TRABD2B: variants seen among roughly 807,000 people sequenced by gnomAD.
The protein encoded by TRABD2B is TraB domain containing 2B, also known as metalloprotease TIKI2.
A neutral mutation model predicts 40.1 loss-of-function variants in TRABD2B; 14 were observed. The ratio of observed to expected loss-of-function variants is 0.35; its 90% CI spans 0.23 to 0.55. The LOEUF is 0.55. Ranked by LOEUF, TRABD2B falls within the 20% of genes least tolerant of loss-of-function variation. The pLI is 0.90. For missense variants in TRABD2B, 541 were observed against 648.6 expected, an observed-to-expected ratio of 0.83 and a Z score of 1.80; for synonymous variants, 263 against 277.0, an observed-to-expected ratio of 0.95 and a Z score of 0.50.
At chr1:47,917,972 T>G (rs562603870) in intron 2 of TRABD2B, among the ~76,000 whole-genome samples, 1 of 152,366 alleles carries the variant, frequency 6.6e-6, no homozygotes, top group Non-Finnish European at 1.5e-5. Flanking sequence ...TGTCTCATTC[T>G]TGCAACAGTT....
At chr1:47,913,945 T>C (rs1383014684) in intron 2 of TRABD2B, among the ~76,000 whole-genome samples, 6 of 152,242 alleles carry the variant, frequency 3.9e-5, no homozygotes, top group Non-Finnish European at 7.3e-5. Flanking sequence ...TTAATTTGCC[T>C]AAGTTCAGCA....
At chr1:47,781,799 G>A (rs986350425) in intron 4 of TRABD2B, among the ~76,000 whole-genome samples, 7 of 152,122 alleles carry the variant, frequency 4.6e-5, no homozygotes, top group Admixed American at 4.6e-4. Context: ...CGGTTCCTGC[G>A]CTCCCGAGCC....
chr1:47,882,571 G>A (rs1318460216), intron 2 of TRABD2B, among the ~76,000 whole-genome samples: 1 of 152,194 alleles, frequency 6.6e-6, no homozygotes, highest in African/African-American at 2.4e-5. Context: ...CATGCACATA[G>A]GGGTGTTTGT....
chr1:47,892,996 A>T (rs1644469140), intron 2 of TRABD2B, among the ~76,000 whole-genome samples: 1 of 152,166 alleles, frequency 6.6e-6, no homozygotes, highest in African/African-American at 2.4e-5. Flanking sequence ...TGATTTATAC[A>T]CATTACAGAA....
intron 2 of TRABD2B, among the ~76,000 whole-genome samples, chr1:47,985,896 C>A (rs1216028315): frequency 6.6e-6 from 1 of 152,060 alleles, no homozygotes; most frequent in Non-Finnish European, 1.5e-5. Context: ...AAGAGTTAGC[C>A]AGAAAATAAA....
At chr1:47,857,508 AGG>A (rs1643905090) in intron 2 of TRABD2B, among the ~76,000 whole-genome samples, 2 of 152,132 alleles carry the variant, frequency 1.3e-5, no homozygotes, top group Admixed American at 1.3e-4. Flanking sequence ...AAGGGGGTTA[AGG>A]CCCCCTTCTC....
chr1:47,797,863 T>C (rs1041160749), intron 3 of TRABD2B, among the ~76,000 whole-genome samples: 9 of 152,158 alleles, frequency 5.9e-5, no homozygotes, highest in African/African-American at 2.2e-4. Flanking sequence ...GATGGGGTGA[T>C]GAGGTGATTG....
At chr1:47,838,671 G>A (rs1276592715) in intron 2 of TRABD2B, among the ~76,000 whole-genome samples, 4 of 152,220 alleles carry the variant, frequency 2.6e-5, no homozygotes, top group Non-Finnish European at 4.4e-5. Context: ...AGGAGACGCA[G>A]TGTAAACCAC....
chr1:47,850,139 G>A (rs928642452), intron 2 of TRABD2B, among the ~76,000 whole-genome samples: 1 of 152,252 alleles, frequency 6.6e-6, no homozygotes, highest in African/African-American at 2.4e-5. Context: ...CATAGGAGGT[G>A]TGGCTTCTAG....
intron 2 of TRABD2B, among the ~76,000 whole-genome samples, chr1:47,988,555 G>A (rs1645954349): frequency 6.6e-6 from 1 of 152,162 alleles, no homozygotes; most frequent in African/African-American, 2.4e-5. Flanking sequence ...GGGCTCTCCT[G>A]TCTGAAGCCT....
intron 2 of TRABD2B, among the ~76,000 whole-genome samples, chr1:47,958,121 T>C (rs989596579): frequency 2.6e-5 from 4 of 150,970 alleles, no homozygotes; most frequent in African/African-American, 9.8e-5. Context: ...GCTTCATAAG[T>C]GAAGGAGAAA....
At chr1:47,832,144 A>C (rs952668637) in intron 2 of TRABD2B, among the ~76,000 whole-genome samples, 1 of 152,128 alleles carries the variant, frequency 6.6e-6, no homozygotes, top group Non-Finnish European at 1.5e-5. Flanking sequence ...CATCTTGGCT[A>C]ATGTGGTGAA....
chr1:47,770,605 G>C (rs1644365462), intron 6 of TRABD2B, among the ~76,000 whole-genome samples: 1 of 152,238 alleles, frequency 6.6e-6, no homozygotes, highest in South Asian at 2.1e-4. Context: ...TCACTCAGGA[G>C]AGCTGAGGCA....
chr1:47,897,982 T>C (rs1324268904), intron 2 of TRABD2B, among the ~76,000 whole-genome samples: 1 of 152,164 alleles, frequency 6.6e-6, no homozygotes, highest in Non-Finnish European at 1.5e-5. Flanking sequence ...TTTTATCCTA[T>C]AAGAATTTTC....
At chr1:47,908,021 G>A (rs1458117984) in intron 2 of TRABD2B, among the ~76,000 whole-genome samples, 1 of 152,084 alleles carries the variant, frequency 6.6e-6, no homozygotes. Flanking sequence ...CCTGAGAAGT[G>A]TTCTCTCCCA....
chr1:47,968,374 G>T (rs1645633576), intron 2 of TRABD2B, among the ~76,000 whole-genome samples: 1 of 152,128 alleles, frequency 6.6e-6, no homozygotes, highest in South Asian at 2.1e-4. Flanking sequence ...TACTACTCAA[G>T]TCCCCAAACC....
At chr1:47,800,315 G>C (rs1278096927) in intron 3 of TRABD2B, among the ~76,000 whole-genome samples, 3 of 152,158 alleles carry the variant, frequency 2.0e-5, no homozygotes, top group Non-Finnish European at 4.4e-5. Flanking sequence ...AGGTGGTTGG[G>C]GCCAGCCTCA....
intron 2 of TRABD2B, among the ~76,000 whole-genome samples, chr1:47,926,477 A>G (rs956458697): frequency 6.6e-6 from 1 of 152,040 alleles, no homozygotes; most frequent in East Asian, 1.9e-4. Context: ...CTTCAACCCT[A>G]CTTGATCTGC....
At chr1:47,982,775 C>T (rs932313535) in intron 2 of TRABD2B, among the ~76,000 whole-genome samples, 6 of 152,132 alleles carry the variant, frequency 3.9e-5, no homozygotes, top group Non-Finnish European at 8.8e-5. Flanking sequence ...ATTTTCCCAT[C>T]CTGGCACTTC....
Sources: allele counts gnomAD v4.1 joint callset (sites outside exome capture counted in the v4.1 genomes callset), GRCh38; gene constraint gnomAD v4.1.1; transcripts MANE v1.5; gene names NCBI Gene and HGNC (gene_info 2026-07-23, HGNC 2026-07-21).